Variants in ITPA observed in about 807,000 individuals in gnomAD.
The protein encoded by ITPA is inosine triphosphatase, also known as inosine triphosphate pyrophosphatase.
A neutral mutation model predicts 29.6 loss-of-function variants in ITPA; 29 were observed. The observed-to-expected ratio is 0.98, with a 90% CI of 0.73 to 1.34. The LOEUF (loss-of-function observed/expected upper bound fraction) is 1.34, where lower values mean the gene tolerates loss of function less well. ITPA is among the 40% of genes most tolerant of loss of function. The probability of loss-of-function intolerance (pLI) is 0.00; values close to 1 mark genes in which losing one functional copy is unlikely to be tolerated. For missense variants in ITPA, 241 were observed against 251.5 expected (o/e 0.96, Z 0.28); for synonymous variants, 103 against 99.3 (o/e 1.04, Z -0.22).
chr20:3,223,546 G>C lies in ITPA; in HGVS notation c.*84G>C. ...CTCCCGCATCGGGCAGGCACCCCCT[G>C]AAGTACTTCCTTCAGGGTTTCCCCT... On this transcript the variant is annotated 3_prime_UTR_variant, in exon 8 of 8. Transcript: ENST00000380113. 9.8e-7 allele frequency: 1 copy of C among 1,020,950 alleles called. No individual in the cohort carries two copies. Among genetic ancestry groups the C allele is most frequent in the Admixed American group, 2.0e-5 (1 of 50,832 alleles). 63.2% of individuals were successfully genotyped at this position (1,020,950 alleles called of 1,614,324 possible).
chr20:3,209,454 C>T (rs1320364150), upstream of ITPA: 45 of 1,181,564 alleles, frequency 3.8e-5, no homozygotes, highest in Non-Finnish European at 5.5e-5. This position sits in a 1 kb window ranked among gnomAD's most constrained non-coding sequence, Gnocchi z 4.6. Flanking sequence ...GACCCCTGGC[C>T]GGAAACTGAG....
At position 3,223,490 on chromosome 20, in the gene ITPA, G is replaced by T; in HGVS notation, c.*28G>T. The T allele has an allele frequency of 6.4e-7, 1 of 1,573,724 alleles. No individual in the cohort carries two copies. On this transcript the variant is annotated 3_prime_UTR_variant, in exon 8 of 8. Coordinates refer to ENST00000380113, the MANE Select transcript of ITPA (RefSeq NM_033453.4). Reference sequence around the variant, plus strand: ...TCTGCAGCTGGAGGAGGCCCCTCAGGCCGGGGATCTGGGGAGGGCTAGCCC... The same window carrying T: ...TCTGCAGCTGGAGGAGGCCCCTCAGTCCGGGGATCTGGGGAGGGCTAGCCC...
upstream of ITPA, chr20:3,204,483 T>A: frequency 6.6e-7 from 1 of 1,520,396 alleles, no homozygotes; most frequent in Non-Finnish European, 8.8e-7. Context: ...CCACAAAGGC[T>A]CAGAAGGCCA....
rs777207384 is a variant in ITPA at position 3,223,505 on chromosome 20, A to AGGGCTAGCCCAAAACCTCCCGCATC, written c.*48_*72dup. The AGGGCTAGCCCAAAACCTCCCGCATC allele has an allele frequency of 1.3e-6, 2 of 1,509,422 alleles. No homozygotes were observed. Among genetic ancestry groups the AGGGCTAGCCCAAAACCTCCCGCATC allele is most frequent in the Admixed American group, 3.6e-5 (2 of 56,248 alleles). 93.5% of individuals were successfully genotyped at this position (1,509,422 alleles called of 1,614,324 possible). ...GGCCCCTCAGGCCGGGGATCTGGGGAGGGCTAGCCCAAAACCTCCCGCATC... is the reference window on the plus strand; with the variant it reads ...GGCCCCTCAGGCCGGGGATCTGGGGAGGGCTAGCCCAAAACCTCCCGCATCGGGCTAGCCCAAAACCTCCCGCATC... On this transcript the variant is annotated 3_prime_UTR_variant, in exon 8 of 8. Coordinates refer to ENST00000380113, the MANE Select transcript of ITPA (RefSeq NM_033453.4).
intron 6 of ITPA, among the ~76,000 whole-genome samples, chr20:3,220,120 T>TA (rs752217388): frequency 3.8e-4 from 57 of 148,776 alleles, no homozygotes; most frequent in Non-Finnish European, 7.1e-4. Flanking sequence ...CAACACCCCC[T>TA]ACTGCCTATC....
downstream of ITPA, among the ~76,000 whole-genome samples, chr20:3,224,297 G>A (rs1193323882): frequency 1.3e-5 from 2 of 152,264 alleles, no homozygotes; most frequent in Non-Finnish European, 2.9e-5. Flanking sequence ...CCCCTCGGGA[G>A]GCCCTGCTTA....
intron 6 of ITPA, among the ~76,000 whole-genome samples, chr20:3,220,616 A>G (rs1451334935): frequency 1.3e-5 from 2 of 150,972 alleles, no homozygotes; most frequent in African/African-American, 4.9e-5. Context: ...TGGCATGACT[A>G]CCGTTCATAG....
In ITPA at chr20:3,223,771, G is replaced by A; in HGVS notation, c.*309G>A. On this transcript the variant is annotated 3_prime_UTR_variant, in exon 8 of 8. Transcript: ENST00000380113. Reference sequence around the variant, plus strand: ...GAGTGAGGGCGTGGGGAGGAACCATGCAAATCGCCTTCCATGGTTTTTAAA... The same window carrying A: ...GAGTGAGGGCGTGGGGAGGAACCATACAAATCGCCTTCCATGGTTTTTAAA... 2.2e-6 allele frequency: 1 copy of A among 459,744 alleles called. No individual in the cohort carries two copies. Among genetic ancestry groups the A allele is most frequent in the Non-Finnish European group, 4.0e-6 (1 of 251,812 alleles). The allele number at this position is 459,744 out of a possible 1,614,324, so 28.5% of individuals were successfully genotyped here.
chr20:3,218,553 C>A lies in ITPA; in HGVS notation c.332C>A (p.Ser111Ter). ...HQLLAGFEDKSAYALCTFALS... is the reference protein window; with the variant it reads ...HQLLAGFEDK ...CTCCTGGCCGGGTTCGAGGACAAGTCAGCCTATGCGCTCTGCACGTTTGCA... is the reference window on the plus strand; with the variant it reads ...CTCCTGGCCGGGTTCGAGGACAAGTAAGCCTATGCGCTCTGCACGTTTGCA... Residue 111 changes from serine to a stop codon, truncating the protein, a stop_gained, in exon 6 of 8, where the codon TCA (serine) becomes TAA (stop). Coordinates refer to ENST00000380113, the MANE Select transcript of ITPA (RefSeq NM_033453.4). LOFTEE classifies it high-confidence loss of function. 6.2e-7 allele frequency: 1 copy of A among 1,614,000 alleles called. No individual in the cohort carries two copies. Among genetic ancestry groups the A allele is most frequent in the Non-Finnish European group, 8.5e-7 (1 of 1,180,036 alleles).
chr20:3,224,221 G>A (rs2067534365), downstream of ITPA, among the ~76,000 whole-genome samples: 2 of 152,182 alleles, frequency 1.3e-5, no homozygotes. Flanking sequence ...TTTTTATGGT[G>A]GGGAGGGGCT....
chr20:3,204,769 C>A, upstream of ITPA: 1 of 752,596 alleles, frequency 1.3e-6, no homozygotes, highest in South Asian at 1.9e-5. Context: ...TAATGTCAGA[C>A]ATTAAAATGA....
At chr20:3,222,382 T>C (rs1159275253) in intron 7 of ITPA, among the ~76,000 whole-genome samples, 1 of 152,180 alleles carries the variant, frequency 6.6e-6, no homozygotes, top group African/African-American at 2.4e-5. Flanking sequence ...AGCTAATTTT[T>C]GTTATTTTTG....
At chr20:3,226,725 T>C (rs1175107626), downstream of ITPA, among the ~76,000 whole-genome samples, 1 of 152,140 alleles carries the variant, frequency 6.6e-6, no homozygotes, top group Admixed American at 6.5e-5. The surrounding 1 kb of genome is among the most constrained non-coding windows in gnomAD (Gnocchi z 4.4). Context: ...ACTTAGTCCA[T>C]GGGGCATGTG....
intron 6 of ITPA, 136 bp from the exon 7 acceptor site, chr20:3,221,705 G>A (rs2067467354): frequency 2.6e-6 from 2 of 757,320 alleles, no homozygotes; most frequent in Non-Finnish European, 4.7e-6. Context: ...AGGTGCTGTA[G>A]GGGCCTTGCA....
chr20:3,224,540 A>G (rs1331863176), downstream of ITPA, among the ~76,000 whole-genome samples: 1 of 152,192 alleles, frequency 6.6e-6, no homozygotes, highest in Non-Finnish European at 1.5e-5. Flanking sequence ...ACAGAGTGTC[A>G]TTCCTTCACT....
At chr20:3,210,855 A>T (rs1159188109) in intron 1 of ITPA, among the ~76,000 whole-genome samples, 1 of 152,088 alleles carries the variant, frequency 6.6e-6, no homozygotes, top group Non-Finnish European at 1.5e-5. Flanking sequence ...GTTCAAGACC[A>T]GCCTGGCCAA....
chr20:3,222,389 T>A (rs2067488143), intron 7 of ITPA, among the ~76,000 whole-genome samples: 3 of 152,128 alleles, frequency 2.0e-5, no homozygotes, highest in African/African-American at 7.2e-5. Context: ...TTTTGTTATT[T>A]TTGTTAGAGA....
Position 3,223,585 on chromosome 20 carries a change from G to A in ITPA, c.*123G>A, listed in dbSNP as rs13830. 54,346 of 751,960 alleles carry A rather than the reference G, an allele frequency of 0.072. 2,385 individuals carry two copies. The highest frequency in any genetic ancestry group is 0.15 in the East Asian group (5,730 of 37,126). The allele number at this position is 751,960 out of a possible 1,614,324, so 46.6% of individuals were successfully genotyped here. A position where few individuals can be genotyped will look rare whatever the true frequency, so the allele number is the denominator to read the frequency against. ...AGGGTTTCCCCTTTGTGAGGGTGTC[G>A]AGTAGCCTCACCGGCCTGTCTGGAG... On this transcript the variant is annotated 3_prime_UTR_variant, in exon 8 of 8. Coordinates refer to ENST00000380113, the MANE Select transcript of ITPA (RefSeq NM_033453.4).
In ITPA at chr20:3,213,997, G is replaced by C. The variant is rs776945646; in HGVS notation, c.202G>C (p.Val68Leu). The C allele has an allele frequency of 4.3e-6, 7 of 1,614,178 alleles. No individual in the cohort carries two copies. The South Asian group carries it at 7.7e-5, about 18-fold the overall frequency. Residue 68 changes from valine to leucine, a missense_variant, in exon 4 of 8, where the codon GTG becomes CTG. Coordinates refer to ENST00000380113, the MANE Select transcript of ITPA (RefSeq NM_033453.4). ...CTTTGTGCTGCAGGTACAGGGGCCC[G>C]TGCTGGTTGAGGACACTTGTCTGTG... ...QEAVRQVQGP[V>L]LVEDTCLCFN...
Sources: allele counts gnomAD v4.1 joint callset (sites outside exome capture counted in the v4.1 genomes callset), GRCh38; gene constraint gnomAD v4.1.1; non-coding constraint Gnocchi (gnomAD v3.1); transcripts MANE v1.5; gene names NCBI Gene and HGNC (gene_info 2026-07-23, HGNC 2026-07-21).